The following PACRG variants were observed in gnomAD, a reference collection of about 807,000 sequenced individuals.
PACRG encodes parkin coregulated.
PACRG carries 29 observed loss-of-function variants against 29.7 expected under a neutral mutation model. That is an observed-to-expected ratio of 0.98 (90% CI 0.73 to 1.33). The LOEUF is 1.33. PACRG is among the 40% of genes most tolerant of loss of function. The pLI, the probability that PACRG is intolerant of heterozygous loss-of-function variation, is 0.00. For missense variants in PACRG, 279 were observed against 316.2 expected (o/e 0.88, Z 0.89); for synonymous variants, 116 against 118.7 (o/e 0.98, Z 0.15).
At chr6:162,909,491 C>T (rs1253915078) in intron 2 of PACRG, among the ~76,000 whole-genome samples, 4 of 143,582 alleles carry the variant, frequency 2.8e-5, no homozygotes, top group African/African-American at 1.1e-4. Flanking sequence ...GGAGGCGGAG[C>T]TTGCAGTGAG....
At chr6:162,820,077 A>G (rs1414097789) in intron 2 of PACRG, among the ~76,000 whole-genome samples, 1 of 152,222 alleles carries the variant, frequency 6.6e-6, no homozygotes, top group African/African-American at 2.4e-5. Flanking sequence ...ATGACTACTC[A>G]TCCCTTAAAG....
At chr6:163,190,802 T>TAAAGTCAGAAACAAC (rs1780177245) in intron 4 of PACRG, 1 of 356,370 alleles carries the variant, frequency 2.8e-6, no homozygotes, top group Non-Finnish European at 5.6e-6. Flanking sequence ...GCTCCAAAGA[T>TAAAGTCAGAAACAAC]AAAGTCAGAA....
intron 4 of PACRG, among the ~76,000 whole-genome samples, chr6:163,146,865 C>G (rs993551068): frequency 1.3e-5 from 2 of 152,188 alleles, no homozygotes; most frequent in Non-Finnish European, 2.9e-5. Context: ...ATATCCTATT[C>G]ATTTTCACAA....
chr6:163,267,697 A>G (rs887364830), intron 4 of PACRG, among the ~76,000 whole-genome samples: 5 of 152,234 alleles, frequency 3.3e-5, no homozygotes, highest in African/African-American at 9.6e-5. Context: ...GTGTCATAAA[A>G]TGGTTTATTC....
intron 4 of PACRG, among the ~76,000 whole-genome samples, chr6:163,253,350 A>C (rs909222580): frequency 6.6e-6 from 1 of 152,014 alleles, no homozygotes; most frequent in African/African-American, 2.4e-5. Flanking sequence ...ATGTAAAAAA[A>C]TAGATGAGCT....
chr6:163,231,511 C>T (rs925806685), intron 4 of PACRG, among the ~76,000 whole-genome samples: 15 of 152,268 alleles, frequency 9.9e-5, no homozygotes, highest in African/African-American at 2.6e-4. Context: ...ACACCCTGCA[C>T]GGATGCAGAC....
intron 1 of PACRG, among the ~76,000 whole-genome samples, chr6:162,741,120 G>A (rs1412846822): frequency 2.6e-5 from 4 of 152,036 alleles, no homozygotes; most frequent in African/African-American, 4.8e-5. Flanking sequence ...AAAAAAACAA[G>A]CATAAATTAT....
chr6:162,781,847 G>A (rs148025096), intron 1 of PACRG, among the ~76,000 whole-genome samples: 13 of 151,282 alleles, frequency 8.6e-5, no homozygotes, highest in African/African-American at 3.1e-4. Context: ...AAGAAAAGGA[G>A]AGAAAAGGAA....
Position 163,277,477 on chromosome 6 carries a change from A to ATG in PACRG, c.614-37344_614-37343dup, listed in dbSNP as rs569716710. 9.8e-4 allele frequency among the ~76,000 whole-genome samples: 64 copies of ATG among 65,230 alleles called. 2 individuals are homozygous for ATG. In the South Asian group the frequency reaches 0.025, roughly 25 times the overall value. The allele number at this position is 65,230 out of a possible 152,430, so 42.8% of individuals were successfully genotyped here. On this transcript the variant is annotated intron_variant, in intron 4 of 4. Transcript: ENST00000366888. ...GAGTAGTATCTCATGGTGTGTGTGT[A>ATG]TGTGTGTATATATATATACACACAT...
intron 4 of PACRG, among the ~76,000 whole-genome samples, chr6:163,180,049 A>G (rs777969083): frequency 1.3e-5 from 2 of 152,218 alleles, no homozygotes; most frequent in Non-Finnish European, 2.9e-5. Context: ...CTTTCTGAAG[A>G]CGACATTGAC....
Position 163,212,842 on chromosome 6 carries a change from G to A in PACRG, c.614-101985G>A, listed in dbSNP as rs1033900764. The stretch of plus-strand genomic sequence containing the variant: ...CGCCCAGGCTGGATTGCAGTGGCAC[G>A]ATCTCGGCTCACTGCAAGCTATGCC... On this transcript the variant is annotated intron_variant, in intron 4 of 4. Transcript: ENST00000366888. 4.0e-5 allele frequency among the ~76,000 whole-genome samples: 6 copies of A among 151,036 alleles called. No individual in the cohort carries two copies. The South Asian group carries it at 6.3e-4, about 16-fold the overall frequency.
At chr6:162,775,119 A>G (rs1395758288) in intron 1 of PACRG, among the ~76,000 whole-genome samples, 1 of 152,200 alleles carries the variant, frequency 6.6e-6, no homozygotes, top group East Asian at 1.9e-4. Flanking sequence ...AAGAGGCCCC[A>G]GAGAATTTGT....
intron 3 of PACRG, among the ~76,000 whole-genome samples, chr6:163,065,888 T>G (rs1811499818): frequency 1.3e-5 from 2 of 152,122 alleles, no homozygotes; most frequent in Non-Finnish European, 2.9e-5. Context: ...AGGCGCTCTC[T>G]CAGAAAAGAC....
chr6:162,855,411 A>C (rs1272626735), intron 2 of PACRG, among the ~76,000 whole-genome samples: 1 of 152,190 alleles, frequency 6.6e-6, no homozygotes, highest in African/African-American at 2.4e-5. Context: ...TGCGTATCAG[A>C]GATGTAAGTA....
intron 4 of PACRG, among the ~76,000 whole-genome samples, chr6:163,133,031 C>T (rs905611586): frequency 1.3e-5 from 2 of 152,052 alleles, no homozygotes; most frequent in East Asian, 3.9e-4. Flanking sequence ...GAATATACTA[C>T]CAAATTTCAG....
At chr6:163,077,983 C>A (rs1179082584) in intron 3 of PACRG, among the ~76,000 whole-genome samples, 1 of 152,164 alleles carries the variant, frequency 6.6e-6, no homozygotes, top group Admixed American at 6.5e-5. Context: ...AAAGAGAGAA[C>A]CAGCTAGATG....
chr6:162,913,170 G>T (rs1229725201), intron 2 of PACRG, among the ~76,000 whole-genome samples: 2 of 152,102 alleles, frequency 1.3e-5, no homozygotes, highest in East Asian at 3.9e-4. Context: ...TGTACAATCT[G>T]CTAAATGTTG....
intron 4 of PACRG, among the ~76,000 whole-genome samples, chr6:163,120,572 T>A (rs1270962457): frequency 6.6e-6 from 1 of 152,148 alleles, no homozygotes; most frequent in Non-Finnish European, 1.5e-5. Context: ...ACCGCAGAGG[T>A]AGATATTCAC....
chr6:162,809,758 A>T (rs567811592), intron 1 of PACRG, among the ~76,000 whole-genome samples: 44 of 152,328 alleles, frequency 2.9e-4, no homozygotes, highest in African/African-American at 6.3e-4. Flanking sequence ...AACAGTAAAA[A>T]TAACTATGTG....
Sources: gnomAD v4.1 joint callset for allele counts (sites outside exome capture counted in the v4.1 genomes callset) on GRCh38, gnomAD v4.1.1 for gene constraint, MANE v1.5 for transcripts, NCBI Gene and HGNC (gene_info 2026-07-23, HGNC 2026-07-21) for gene names.